Variants in MGRN1 observed in about 807,000 individuals in gnomAD.
MGRN1 encodes the protein mahogunin ring finger 1.
A neutral mutation model predicts 69.2 loss-of-function variants in MGRN1; 29 were observed. That is an observed-to-expected ratio of 0.42 (90% CI 0.31 to 0.57). MGRN1 has a LOEUF of 0.57. Among genes scored for constraint, MGRN1 ranks in the 20% least tolerant of loss-of-function variants. The pLI is 0.15. For missense variants in MGRN1, 998 were observed against 796.2 expected, an observed-to-expected ratio of 1.25 and a Z score of -3.05; for synonymous variants, 470 against 344.2, an observed-to-expected ratio of 1.37 and a Z score of -4.04.
At chr16:4,679,405 G>C (rs180785690) in intron 11 of MGRN1, among the ~76,000 whole-genome samples, 171 of 152,284 alleles carry the variant, frequency 1.1e-3, no homozygotes, top group Non-Finnish European at 1.7e-3. Flanking sequence ...CTGGCACCCA[G>C]CCAGGGAGCC....
chr16:4,656,299 C>T (rs754206672), intron 4 of MGRN1, among the ~76,000 whole-genome samples: 1 of 152,208 alleles, frequency 6.6e-6, no homozygotes, highest in African/African-American at 2.4e-5. Flanking sequence ...GCTGGTGTCC[C>T]CCAGGGGCCC....
rs539923449 is a variant in MGRN1, at chr16:4,688,749, C to T, written c.1619-47C>T. 2.6e-5 allele frequency: 39 copies of T among 1,509,664 alleles called. No individual in the cohort carries two copies. The East Asian group carries it at 4.0e-4, about 15-fold the overall frequency. The allele number at this position is 1,509,664 out of a possible 1,614,324, so 93.5% of individuals were successfully genotyped here. On this transcript the variant is annotated intron_variant, in intron 16 of 16. Coordinates refer to ENST00000262370, the MANE Select transcript of MGRN1 (RefSeq NM_015246.4). ...AGATCGGTAGGAGCGGGTGGCGTGG[C>T]ACCAGGCATCCGAGTGTGACCCTCC...
At chr16:4,626,782 C>G (rs1037219687) in intron 1 of MGRN1, among the ~76,000 whole-genome samples, 3 of 152,210 alleles carry the variant, frequency 2.0e-5, no homozygotes, top group African/African-American at 7.2e-5. Flanking sequence ...TCGTGGCCCT[C>G]CCTCCCACTG....
chr16:4,641,518 T>A (rs938404844), intron 1 of MGRN1, among the ~76,000 whole-genome samples: 2 of 118,442 alleles, frequency 1.7e-5, no homozygotes, highest in African/African-American at 8.2e-5. Context: ...CTGGCTACTT[T>A]TTTTTTTTTT....
intron 5 of MGRN1, among the ~76,000 whole-genome samples, chr16:4,660,368 G>A (rs2078649471): frequency 6.6e-6 from 1 of 152,250 alleles, no homozygotes. Context: ...AAACCCGTCT[G>A]CCAGCCGGGG....
At chr16:4,673,467 G>A in intron 9 of MGRN1, 31 bp from the exon 10 acceptor site, 1 of 1,604,724 alleles carries the variant, frequency 6.2e-7, no homozygotes, top group Non-Finnish European at 8.5e-7. Flanking sequence ...CCTTTGGGAG[G>A]CTGCTGACCC....
chr16:4,679,519 C>T (rs1223217449), intron 11 of MGRN1, among the ~76,000 whole-genome samples: 2 of 151,536 alleles, frequency 1.3e-5, no homozygotes. Flanking sequence ...CGTGGGTGTT[C>T]TCTCCAGCGA....
chr16:4,646,685 C>T (rs989913209), intron 1 of MGRN1, among the ~76,000 whole-genome samples: 1 of 152,200 alleles, frequency 6.6e-6, no homozygotes, highest in Non-Finnish European at 1.5e-5. Context: ...CCTGGTCAGC[C>T]CTGTTCAGTG....
intron 16 of MGRN1, chr16:4,686,382 G>T (rs1482483404): frequency 5.3e-6 from 8 of 1,508,642 alleles, no homozygotes; most frequent in Non-Finnish European, 7.1e-6. Flanking sequence ...CTCTCTGGCG[G>T]GGGTTCCTTC....
intron 13 of MGRN1, among the ~76,000 whole-genome samples, chr16:4,682,543 C>T (rs374817361): frequency 6.6e-6 from 1 of 152,228 alleles, no homozygotes; most frequent in Admixed American, 6.5e-5. Context: ...CCCCAGGAAC[C>T]ACCAGCGGTT....
intron 1 of MGRN1, among the ~76,000 whole-genome samples, chr16:4,643,308 C>T (rs959485945): frequency 3.3e-5 from 5 of 151,788 alleles, no homozygotes; most frequent in South Asian, 2.1e-4. Flanking sequence ...GTTGTCCAGG[C>T]AGGTCTCGAA....
At chr16:4,628,636 CT>C (rs1897825605) in intron 1 of MGRN1, among the ~76,000 whole-genome samples, 2 of 152,106 alleles carry the variant, frequency 1.3e-5, no homozygotes, top group South Asian at 2.1e-4. Context: ...CGTCCGCCTC[CT>C]GGGTTCAAGC....
chr16:4,644,782 T>C (rs917606381), intron 1 of MGRN1, among the ~76,000 whole-genome samples: 8 of 152,188 alleles, frequency 5.3e-5, no homozygotes, highest in Non-Finnish European at 1.2e-4. Flanking sequence ...GTTAAGTTTT[T>C]TTGAGGTAAA....
chr16:4,685,366 C>T (rs1210576682), intron 16 of MGRN1, among the ~76,000 whole-genome samples: 3 of 152,210 alleles, frequency 2.0e-5, no homozygotes, highest in African/African-American at 7.2e-5. Context: ...AGAGGAGGCC[C>T]ACACAGAGGA....
intron 16 of MGRN1, chr16:4,688,386 C>G (rs77453132): frequency 1.6e-4 from 164 of 1,006,934 alleles, no homozygotes; most frequent in Admixed American, 9.2e-4. Flanking sequence ...GGGCCGCTCC[C>G]CACCCCTGCA....
At chr16:4,655,285 C>G (rs1413228428) in intron 4 of MGRN1, among the ~76,000 whole-genome samples, 1 of 152,204 alleles carries the variant, frequency 6.6e-6, no homozygotes, top group Non-Finnish European at 1.5e-5. Context: ...CTCAAGTGCA[C>G]TTGAAGAGAG....
At chr16:4,637,574 T>TG (rs1264314651) in intron 1 of MGRN1, among the ~76,000 whole-genome samples, 7 of 152,126 alleles carry the variant, frequency 4.6e-5, no homozygotes, top group Non-Finnish European at 8.8e-5. Flanking sequence ...AGGCAAGAAA[T>TG]GGAGTGTATT....
At position 4,673,720 on chromosome 16, in the gene MGRN1, G is replaced by A. The variant is rs1367941817; in HGVS notation, c.955+63G>A. 4.4e-6 allele frequency: 7 copies of A among 1,578,016 alleles called. No individual in the cohort carries two copies. In the African/African-American group the frequency reaches 6.7e-5, roughly 15 times the overall value. On this transcript the variant is annotated intron_variant, in intron 10 of 16. Coordinates refer to ENST00000262370, the MANE Select transcript of MGRN1 (RefSeq NM_015246.4). ...GAAATTAGGGACTGGCCACACCACG[G>A]TGGTCCTGGGATAGGGGGCCACAGG...
intron 12 of MGRN1, 22 bp from the exon 13 acceptor site, chr16:4,681,528 C>G (rs566102794): frequency 1.3e-6 from 2 of 1,599,438 alleles, no homozygotes; most frequent in African/African-American, 1.3e-5. Context: ...CATGAGCCCC[C>G]TCACGCACCC....
Sources: gnomAD v4.1 joint callset for allele counts (sites outside exome capture counted in the v4.1 genomes callset) on GRCh38, gnomAD v4.1.1 for gene constraint, MANE v1.5 for transcripts, NCBI Gene and HGNC (gene_info 2026-07-23, HGNC 2026-07-21) for gene names.